MAU2: variants seen among roughly 807,000 people sequenced by gnomAD.
The protein encoded by MAU2 is MAU2 sister chromatid cohesion factor, also known as MAU2 chromatid cohesion factor homolog.
A neutral mutation model predicts 89.1 loss-of-function variants in MAU2; 9 were observed. That is an observed-to-expected ratio of 0.10 (90% CI 0.06 to 0.18). The LOEUF (loss-of-function observed/expected upper bound fraction) is 0.18. MAU2 is among the 10% of genes least tolerant of loss of function. MAU2 has a pLI of 1.00. For synonymous variants in MAU2, 357 were observed against 343.4 expected (o/e 1.04, Z -0.44); for missense variants, 425 against 803.5 (o/e 0.53, Z 5.69).
chr19:19,321,044 G>C lies in MAU2; in HGVS notation c.185G>C (p.Arg62Pro). 1 of 1,612,904 alleles carries C rather than the reference G, an allele frequency of 6.2e-7. No homozygotes were observed. The highest frequency in any genetic ancestry group is 8.5e-7 in the Non-Finnish European group (1 of 1,179,536). The change falls in exon 1 of 19, where the codon CGC (arginine) becomes CCC (proline). Residue 62 changes from arginine to proline, a missense_variant. By Grantham distance (103) the Arg-to-Pro change is moderately radical. Around this residue, in one of 11 missense-constraint regions of MAU2, gnomAD observed 57 missense variants for 57.5 expected, o/e 0.99. Transcript: ENST00000262815. ...QAVFPFKPPQ[R>P]IEARTHLQLG... The stretch of plus-strand genomic sequence containing the variant: ...GTGTTCCCCTTCAAGCCGCCGCAGC[G>C]CATCGAGGCCCGTACACACCTGCAG...
intron 1 of MAU2, 54 bp downstream of exon 1, chr19:19,321,189 G>C (rs2061451085): frequency 6.8e-7 from 1 of 1,474,492 alleles, no homozygotes. Context: ...GCAAGATCTG[G>C]GCTGACGGGT....
intron 1 of MAU2, among the ~76,000 whole-genome samples, chr19:19,328,558 A>G (rs1450989102): frequency 6.6e-6 from 1 of 151,582 alleles, no homozygotes; most frequent in East Asian, 1.9e-4. Flanking sequence ...AGTAGCTGGG[A>G]CTGCAGGCGC....
chr19:19,355,040 G>T (rs916265978), intron 17 of MAU2: 2 of 524,850 alleles, frequency 3.8e-6, no homozygotes, highest in African/African-American at 3.8e-5. Flanking sequence ...GAGAAGCCTG[G>T]CATTGGGCTT....
At chr19:19,334,724 T>A (rs2061582661) in intron 1 of MAU2, 1 of 475,204 alleles carries the variant, frequency 2.1e-6, no homozygotes, top group Non-Finnish European at 2.8e-6. Context: ...GGCTTCAGCC[T>A]CACCTCCCTG....
chr19:19,345,888 C>T lies in MAU2; in HGVS notation c.1221+519C>T, dbSNP rs1264461901. On this transcript the variant is annotated intron_variant, in intron 12 of 18. Transcript: ENST00000262815. The surrounding 1 kb of genome is among the most constrained non-coding windows in gnomAD (Gnocchi z 4.9). ...CCCTGGAAGAAGGCTGGTGCCACAT[C>T]CTCACGGAGCGCCCCAGCCCAGGGC... Among the ~76,000 whole-genome samples, 1 of 152,206 alleles carries T rather than the reference C, an allele frequency of 6.6e-6. No homozygotes were observed.
chr19:19,334,787 C>G (rs1354793886), intron 1 of MAU2, among the ~76,000 whole-genome samples: 2 of 152,312 alleles, frequency 1.3e-5, no homozygotes, highest in East Asian at 3.9e-4. Context: ...TCCTGCTCCC[C>G]CTTTTCCTGG....
intron 1 of MAU2, chr19:19,334,103 TTC>T (rs1357734868): frequency 3.5e-5 from 33 of 932,104 alleles, no homozygotes; most frequent in Non-Finnish European, 4.0e-5. Flanking sequence ...ATGCAGCAGC[TTC>T]TGTGGAAAAA....
intron 14 of MAU2, 69 bp from the exon 15 acceptor site, chr19:19,349,086 G>A (rs2061720130): frequency 6.3e-7 from 1 of 1,584,626 alleles, no homozygotes; most frequent in Admixed American, 1.7e-5. Flanking sequence ...GCCCCCAGCT[G>A]CCCACTGCCG....
rs546665044 is a variant in MAU2 at position 19,356,674 on chromosome 19, G to T, written c.*892G>T. The T allele has an allele frequency of 6.5e-6, 1 of 155,002 alleles. No homozygotes were observed. Among genetic ancestry groups the T allele is most frequent in the South Asian group, 2.0e-4 (1 of 4,968 alleles). The allele number at this position is 155,002 out of a possible 1,614,324, so 9.6% of individuals were successfully genotyped here. ...CCGCCCCCGAGATCTGGAGCCCAGG[G>T]ACTTTCTTCCTGGCAGATCTGTGGC... On this transcript the variant is annotated 3_prime_UTR_variant, in exon 19 of 19. Coordinates refer to ENST00000262815, the MANE Select transcript of MAU2 (RefSeq NM_015329.4).
intron 1 of MAU2, among the ~76,000 whole-genome samples, chr19:19,335,040 G>A (rs2061585306): frequency 6.6e-6 from 1 of 152,194 alleles, no homozygotes; most frequent in Admixed American, 6.6e-5. Context: ...TCAGTGGCCT[G>A]GACTAGCCTG....
intron 1 of MAU2, among the ~76,000 whole-genome samples, chr19:19,324,999 T>C (rs1440237544): frequency 6.6e-6 from 1 of 152,196 alleles, no homozygotes; most frequent in East Asian, 1.9e-4. Context: ...AAGAATCGTA[T>C]GTTCTCCGCT....
At chr19:19,340,080 G>A (rs2061629197) in intron 5 of MAU2, among the ~76,000 whole-genome samples, 1 of 151,496 alleles carries the variant, frequency 6.6e-6, no homozygotes, top group Non-Finnish European at 1.5e-5. Context: ...CGGGAGAATG[G>A]CATGAACCCA....
intron 5 of MAU2, 41 bp from the exon 6 acceptor site, chr19:19,340,805 C>G (rs1256148038): frequency 6.2e-7 from 1 of 1,610,634 alleles, no homozygotes; most frequent in Non-Finnish European, 8.5e-7. Flanking sequence ...CAGGAGGCTC[C>G]TGGGCCTGCT....
intron 9 of MAU2, 39 bp from the exon 10 acceptor site, chr19:19,343,797 TG>T: frequency 6.6e-7 from 1 of 1,507,606 alleles, no homozygotes; most frequent in Non-Finnish European, 9.2e-7. Flanking sequence ...GCGCCTCCTC[TG>T]GCCTCCCCTG....
chr19:19,355,602 A>G (rs1169783243), intron 18 of MAU2, 106 bp from the exon 19 acceptor site: 4 of 1,243,084 alleles, frequency 3.2e-6, no homozygotes, highest in Non-Finnish European at 4.5e-6. Flanking sequence ...GGCATGGAGA[A>G]CAGAGTCCCG....
At chr19:19,327,339 ATTTT>A (rs1302360273) in intron 1 of MAU2, among the ~76,000 whole-genome samples, 1 of 94,244 alleles carries the variant, frequency 1.1e-5, no homozygotes, top group Non-Finnish European at 2.2e-5. Flanking sequence ...TTATTTATTT[ATTTT>A]GAGACAGAGT....
Position 19,337,183 on chromosome 19 carries a change from C to A in MAU2, c.374C>A (p.Ala125Glu), listed in dbSNP as rs770220980. Residue 125 changes from alanine (A) to glutamate (E), a missense_variant, in exon 4 of 19, where the codon GCA becomes GAA. Around this residue, in one of 11 missense-constraint regions of MAU2, gnomAD observed 119 missense variants for 299.8 expected, o/e 0.40. Coordinates refer to ENST00000262815, the MANE Select transcript of MAU2 (RefSeq NM_015329.4). ...ATTTCCTTTCAGAATTCCGTTGATGCAGCAAAGCCGCTGCTGCGGAAGGCG... is the reference window on the plus strand; with the variant it reads ...ATTTCCTTTCAGAATTCCGTTGATGAAGCAAAGCCGCTGCTGCGGAAGGCG... Reference protein sequence around the residue: ...ELYCQENSVDAAKPLLRKAIQ... With the variant: ...ELYCQENSVDEAKPLLRKAIQ... The A allele has an allele frequency of 1.2e-6, 2 of 1,612,640 alleles. No homozygotes were observed. The highest frequency in any genetic ancestry group is 1.7e-6 in the Non-Finnish European group (2 of 1,179,250).
chr19:19,352,339 A>G (rs1184378897), intron 16 of MAU2: 12 of 152,146 alleles, frequency 7.9e-5, no homozygotes, highest in Non-Finnish European at 1.8e-4. Flanking sequence ...CTCAGCATGG[A>G]TGCTGTTAAC....
At position 19,349,038 on chromosome 19, in the gene MAU2, T is replaced by C. The variant is rs570109218; in HGVS notation, c.1358+100T>C. On this transcript the variant is annotated intron_variant, in intron 14 of 18. Transcript: ENST00000262815. ...CTTGCACCCTGACACCCCATACCCCTCCTCACAGACAGTCTGCAGTGGGGG... is the reference window on the plus strand; with the variant it reads ...CTTGCACCCTGACACCCCATACCCCCCCTCACAGACAGTCTGCAGTGGGGG... 2.1e-4 allele frequency: 326 copies of C among 1,551,706 alleles called. 1 individual carries two copies. The highest frequency in any genetic ancestry group is 1.9e-3 in the Middle Eastern group (11 of 5,912).
Sources: gnomAD v4.1 joint callset for allele counts (sites outside exome capture counted in the v4.1 genomes callset) on GRCh38, gnomAD v4.1.1 for gene constraint, gnomAD v4.1.1 regional missense constraint, Gnocchi (gnomAD v3.1) non-coding constraint, MANE v1.5 for transcripts, NCBI Gene and HGNC (gene_info 2026-07-23, HGNC 2026-07-21) for gene names.